The following LY86 variants were observed in gnomAD, a reference collection of about 807,000 sequenced individuals.
LY86 encodes the protein lymphocyte antigen 86, also known as MD-1, RP105-associated.
LY86 carries 20 observed loss-of-function variants against 17.3 expected under a neutral mutation model. That is an observed-to-expected ratio of 1.15 (90% CI 0.81 to 1.68). LY86 has a LOEUF of 1.68. Among genes scored for constraint, LY86 ranks in the 40% most tolerant of loss-of-function variants. The probability of loss-of-function intolerance (pLI) is 0.00; values close to 1 mark genes in which losing one functional copy is unlikely to be tolerated. For missense variants in LY86, 200 were observed against 191.9 expected (o/e 1.04, Z -0.25); for synonymous variants, 74 against 70.6 (o/e 1.05, Z -0.24).
rs1441710459 is a variant in LY86, at chr6:6,599,195, C to G, written c.136+10325C>G. Among the ~76,000 whole-genome samples the G allele has an allele frequency of 2.0e-5, 3 of 152,154 alleles. No homozygotes were observed. The East Asian group carries it at 5.8e-4, about 29-fold the overall frequency. On this transcript the variant is annotated intron_variant, in intron 1 of 4. Transcript: ENST00000230568. ...GCTCATCTAATGCTTGGGACATGAC[C>G]CAATTTCCTTCCCATCTTTGTTATC...
At chr6:6,617,295 A>G (rs1295519154) in intron 1 of LY86, among the ~76,000 whole-genome samples, 1 of 152,206 alleles carries the variant, frequency 6.6e-6, no homozygotes, top group Non-Finnish European at 1.5e-5. Context: ...TCCAGCGCAT[A>G]TTAGACAGTT....
chr6:6,647,710 T>C (rs1017515567), intron 3 of LY86, among the ~76,000 whole-genome samples: 2 of 152,190 alleles, frequency 1.3e-5, no homozygotes, highest in South Asian at 2.1e-4. Flanking sequence ...GTCTCCTTGG[T>C]TGGCTTCTCC....
intron 1 of LY86, among the ~76,000 whole-genome samples, chr6:6,603,007 G>C (rs1274330216): frequency 6.6e-6 from 1 of 152,156 alleles, no homozygotes; most frequent in Non-Finnish European, 1.5e-5. Flanking sequence ...CTAGAGGCCA[G>C]GGAGTCGGAG....
chr6:6,611,901 A>G (rs770980969), intron 1 of LY86, among the ~76,000 whole-genome samples: 4 of 152,240 alleles, frequency 2.6e-5, no homozygotes, highest in Non-Finnish European at 5.9e-5. Context: ...TAAGAAAAAA[A>G]TCAGACTGCT....
intron 1 of LY86, among the ~76,000 whole-genome samples, chr6:6,611,543 A>T (rs1761332475): frequency 6.6e-6 from 1 of 152,200 alleles, no homozygotes; most frequent in Non-Finnish European, 1.5e-5. Flanking sequence ...AATATATAGG[A>T]ATATACTTAA....
chr6:6,604,635 G>C (rs1044976050), intron 1 of LY86, among the ~76,000 whole-genome samples: 1 of 152,140 alleles, frequency 6.6e-6, no homozygotes, highest in East Asian at 1.9e-4. Flanking sequence ...AAATTTTCCA[G>C]AACTGCAAAA....
chr6:6,622,745 A>G (rs574619310), intron 1 of LY86: 1 of 151,274 alleles, frequency 6.6e-6, no homozygotes, highest in African/African-American at 2.4e-5. Flanking sequence ...GGAACACTAC[A>G]TTGGCAAATG....
At chr6:6,654,056 T>A (rs1762224826) in intron 4 of LY86, among the ~76,000 whole-genome samples, 1 of 151,660 alleles carries the variant, frequency 6.6e-6, no homozygotes, top group Non-Finnish European at 1.5e-5. Context: ...GCCCTAAGAG[T>A]CTGGCCTCCT....
At chr6:6,630,737 G>A (rs1162124108) in intron 3 of LY86, among the ~76,000 whole-genome samples, 1 of 152,142 alleles carries the variant, frequency 6.6e-6, no homozygotes, top group African/African-American at 2.4e-5. Context: ...CATCTTGGTC[G>A]CACATTAACT....
chr6:6,590,190 C>A (rs112642625), intron 1 of LY86, among the ~76,000 whole-genome samples: 13 of 151,528 alleles, frequency 8.6e-5, no homozygotes, highest in African/African-American at 2.7e-4. Context: ...GTAGTCCCCC[C>A]CCAGTCTGCT....
chr6:6,607,446 C>T (rs981338665), intron 1 of LY86, among the ~76,000 whole-genome samples: 1 of 151,884 alleles, frequency 6.6e-6, no homozygotes, highest in African/African-American at 2.4e-5. Flanking sequence ...TAAGTACTAC[C>T]TGACTAGAAA....
intron 1 of LY86, among the ~76,000 whole-genome samples, chr6:6,618,827 T>C (rs1761612704): frequency 6.6e-6 from 1 of 152,102 alleles, no homozygotes; most frequent in Non-Finnish European, 1.5e-5. Context: ...GCTACAGTAA[T>C]AAGATTTGAC....
intron 1 of LY86, among the ~76,000 whole-genome samples, chr6:6,590,926 G>GCA (rs1021408519): frequency 3.3e-5 from 5 of 151,896 alleles, no homozygotes; most frequent in African/African-American, 7.3e-5. Flanking sequence ...ACATTGAAGT[G>GCA]CACACACACA....
intron 1 of LY86, among the ~76,000 whole-genome samples, chr6:6,606,471 G>A (rs547973219): frequency 2.6e-5 from 4 of 152,318 alleles, no homozygotes; most frequent in Middle Eastern, 3.4e-3. Context: ...CCGCGCACCC[G>A]CACTCCTCAG....
intron 1 of LY86, among the ~76,000 whole-genome samples, chr6:6,616,885 A>G (rs1761568133): frequency 6.6e-6 from 1 of 152,222 alleles, no homozygotes; most frequent in Admixed American, 6.5e-5. Flanking sequence ...ACAAATGCGT[A>G]AGAACCGCAG....
chr6:6,601,229 C>CA (rs2113089504), intron 1 of LY86, among the ~76,000 whole-genome samples: 1 of 152,286 alleles, frequency 6.6e-6, no homozygotes, highest in Non-Finnish European at 1.5e-5. Context: ...AGTGGATCTT[C>CA]AGCATTTGGG....
At chr6:6,640,306 C>T (rs1762019467) in intron 3 of LY86, among the ~76,000 whole-genome samples, 1 of 151,520 alleles carries the variant, frequency 6.6e-6, no homozygotes. Flanking sequence ...ACCTGTAATC[C>T]CAGCACTTTG....
intron 1 of LY86, among the ~76,000 whole-genome samples, chr6:6,612,978 G>A (rs1761426256): frequency 6.6e-6 from 1 of 151,900 alleles, no homozygotes; most frequent in Non-Finnish European, 1.5e-5. Flanking sequence ...GGTGCTGATT[G>A]GTGTGTTAAC....
chr6:6,595,326 G>A (rs1329784437), intron 1 of LY86, among the ~76,000 whole-genome samples: 1 of 147,194 alleles, frequency 6.8e-6, no homozygotes, highest in Non-Finnish European at 1.5e-5. Flanking sequence ...GGAAGAGGAG[G>A]AAGAGGAGAG....
Sources: allele counts gnomAD v4.1 joint callset (sites outside exome capture counted in the v4.1 genomes callset), GRCh38; gene constraint gnomAD v4.1.1; transcripts MANE v1.5; gene names NCBI Gene and HGNC (gene_info 2026-07-23, HGNC 2026-07-21).